The following PCDH11X variants were observed in gnomAD, a reference collection of about 807,000 sequenced individuals.
The protein encoded by PCDH11X is protocadherin-11 X-linked.
In PCDH11X, 18 loss-of-function variants were observed where a neutral mutation model predicts 53.3. The ratio of observed to expected loss-of-function variants is 0.34; its 90% CI spans 0.23 to 0.50. The LOEUF is 0.50. Ranked by LOEUF, PCDH11X falls within the 20% of genes least tolerant of loss-of-function variation. The pLI is 0.98. For synonymous variants in PCDH11X, 279 were observed against 393.3 expected (o/e 0.71, Z 3.44); for missense variants, 570 against 1,032.4 (o/e 0.55, Z 6.14).
At chrX:92,337,047 A>G (rs2069637732) in intron 8 of PCDH11X, among the ~76,000 whole-genome samples, 2 of 110,619 alleles carry the variant, frequency 1.8e-5, no homozygotes, top group Non-Finnish European at 3.8e-5. Flanking sequence ...TCACACAGTG[A>G]ATTTATACTA....
At chrX:91,942,153 T>C (rs1247783589) in intron 6 of PCDH11X, among the ~76,000 whole-genome samples, 1 of 108,299 alleles carries the variant, frequency 9.2e-6, no homozygotes, top group East Asian at 2.9e-4. Context: ...ATTAAGCAAC[T>C]GGAAGAAGAA....
At chrX:91,907,412 C>CAGAGAGAGAGAGAGAG (rs59848282) in intron 6 of PCDH11X, among the ~76,000 whole-genome samples, 36 of 57,490 alleles carry the variant, frequency 6.3e-4, no homozygotes, top group African/African-American at 2.6e-3. Context: ...CACACACACA[C>CAGAGAGAGAGAGAGAG]AGAGAGAGAG....
At chrX:91,994,601 A>G (rs1396968301) in intron 6 of PCDH11X, among the ~76,000 whole-genome samples, 6 of 101,723 alleles carry the variant, frequency 5.9e-5, no homozygotes, top group African/African-American at 1.9e-4. Context: ...AATGCTGCAA[A>G]GAACATGAGA....
intron 6 of PCDH11X, among the ~76,000 whole-genome samples, chrX:92,153,517 T>G (rs112341657): frequency 0.075 from 8,390 of 111,716 alleles, 780 homozygotes; most frequent in African/African-American, 0.26. Flanking sequence ...AGGTGTTTAT[T>G]GAAATGTGAA....
intron 6 of PCDH11X, among the ~76,000 whole-genome samples, chrX:91,893,392 G>A (rs1175855374): frequency 1.9e-5 from 2 of 103,817 alleles, no homozygotes; most frequent in Non-Finnish European, 3.9e-5. Context: ...CTGTCGCCCA[G>A]GCTGGAGTGC....
At chrX:92,357,328 G>A (rs953554365) in intron 8 of PCDH11X, among the ~76,000 whole-genome samples, 5 of 111,510 alleles carry the variant, frequency 4.5e-5, no homozygotes, top group African/African-American at 1.3e-4. Context: ...TCTTATGATT[G>A]AGAATATATT....
chrX:92,039,414 G>A (rs2063176838), intron 6 of PCDH11X, among the ~76,000 whole-genome samples: 1 of 111,342 alleles, frequency 9.0e-6, no homozygotes, highest in East Asian at 2.9e-4. Flanking sequence ...GGCTAAGCTG[G>A]TTCTTGAACC....
intron 6 of PCDH11X, among the ~76,000 whole-genome samples, chrX:92,002,232 C>T (rs1212399937): frequency 9.1e-6 from 1 of 109,993 alleles, no homozygotes; most frequent in African/African-American, 3.3e-5. Context: ...TTTCTTTCTG[C>T]GTTCTCTATT....
intron 6 of PCDH11X, among the ~76,000 whole-genome samples, chrX:91,929,017 T>G (rs1942036674): frequency 9.0e-6 from 1 of 110,951 alleles, no homozygotes; most frequent in Admixed American, 9.6e-5. Context: ...GTTTCTGTAA[T>G]ATTTTAGAGA....
intron 6 of PCDH11X, among the ~76,000 whole-genome samples, chrX:92,019,403 A>G (rs931990409): frequency 2.7e-5 from 3 of 110,368 alleles, no homozygotes; most frequent in Non-Finnish European, 5.7e-5. Flanking sequence ...CAAAAGCAAT[A>G]TTATATACAT....
At chrX:92,464,790 TC>T (rs1377381845) in intron 9 of PCDH11X, among the ~76,000 whole-genome samples, 2 of 107,849 alleles carry the variant, frequency 1.9e-5, no homozygotes, top group African/African-American at 6.8e-5. Context: ...AAGAATTGAA[TC>T]TTTTTTGCAT....
At chrX:92,518,063 CT>C (rs1377027460) in intron 10 of PCDH11X, among the ~76,000 whole-genome samples, 1 of 106,087 alleles carries the variant, frequency 9.4e-6, no homozygotes, top group Non-Finnish European at 2.0e-5. Flanking sequence ...ATTGATTTCT[CT>C]TTTTTTATTG....
chrX:91,991,867 G>A (rs1356659442), intron 6 of PCDH11X, among the ~76,000 whole-genome samples: 7 of 107,312 alleles, frequency 6.5e-5, no homozygotes, highest in Admixed American at 6.0e-4. Context: ...ACCTGTATCC[G>A]TTTTGTTTCT....
chrX:92,241,658 C>A (rs1406331605), intron 7 of PCDH11X, among the ~76,000 whole-genome samples: 3 of 112,031 alleles, frequency 2.7e-5, no homozygotes, highest in East Asian at 2.8e-4. Context: ...TCTGTCACAG[C>A]AGAAACAATG....
At chrX:91,853,897 G>T (rs1242409262) in intron 5 of PCDH11X, among the ~76,000 whole-genome samples, 8 of 108,649 alleles carry the variant, frequency 7.4e-5, no homozygotes, top group Non-Finnish European at 1.5e-4. Context: ...TACATCATAG[G>T]TGTATATATT....
At chrX:92,174,152 C>G (rs895682643) in intron 6 of PCDH11X, among the ~76,000 whole-genome samples, 1 of 107,915 alleles carries the variant, frequency 9.3e-6, no homozygotes, top group African/African-American at 3.4e-5. Context: ...GAGGGAGCTA[C>G]TTTTATTTTT....
chrX:92,143,299 A>T (rs749188076), intron 6 of PCDH11X, among the ~76,000 whole-genome samples: 42 of 112,090 alleles, frequency 3.7e-4, no homozygotes, highest in Non-Finnish European at 6.8e-4. Context: ...CCTGAAGACC[A>T]CGGGGAAAAT....
intron 7 of PCDH11X, among the ~76,000 whole-genome samples, chrX:92,259,519 C>T (rs1027262290): frequency 9.0e-6 from 1 of 111,265 alleles, no homozygotes; most frequent in Non-Finnish European, 1.9e-5. Flanking sequence ...CACTCACTAT[C>T]ATGAGAACTG....
At chrX:92,070,893 G>A (rs2063691202) in intron 6 of PCDH11X, among the ~76,000 whole-genome samples, 1 of 110,918 alleles carries the variant, frequency 9.0e-6, no homozygotes, top group South Asian at 3.8e-4. Flanking sequence ...TCTGCCTCCT[G>A]GGTTCAAGTA....
Sources: gnomAD v4.1 joint callset for allele counts (sites outside exome capture counted in the v4.1 genomes callset) on GRCh38, gnomAD v4.1.1 for gene constraint, MANE v1.5 for transcripts, NCBI Gene and HGNC (gene_info 2026-07-23, HGNC 2026-07-21) for gene names.